The following GRM8 variants were observed in gnomAD, a reference collection of about 807,000 sequenced individuals.
The protein encoded by GRM8 is metabotropic glutamate receptor 8.
A neutral mutation model predicts 87.2 loss-of-function variants in GRM8; 47 were observed. That is an observed-to-expected ratio of 0.54 (90% CI 0.43 to 0.69). The LOEUF (loss-of-function observed/expected upper bound fraction) is 0.69. Ranked by LOEUF, GRM8 falls within the 30% of genes least tolerant of loss-of-function variation. The pLI is 0.00. For synonymous variants in GRM8, 396 were observed against 404.5 expected (o/e 0.98, Z 0.25); for missense variants, 1,019 against 1,139.2 (o/e 0.89, Z 1.52).
chr7:126,679,813 T>C (rs928098485), intron 7 of GRM8, among the ~76,000 whole-genome samples: 1 of 152,086 alleles, frequency 6.6e-6, no homozygotes, highest in Non-Finnish European at 1.5e-5. Flanking sequence ...GCAGATCACT[T>C]GAGGTCAGGA....
chr7:127,063,854 T>A (rs906573282), intron 3 of GRM8, among the ~76,000 whole-genome samples: 2 of 152,236 alleles, frequency 1.3e-5, no homozygotes, highest in Non-Finnish European at 2.9e-5. Flanking sequence ...AAGAACTTCT[T>A]AATTTCTGCC....
intron 9 of GRM8, among the ~76,000 whole-genome samples, chr7:126,510,255 C>G (rs1811131328): frequency 6.7e-6 from 1 of 149,126 alleles, no homozygotes; most frequent in African/African-American, 2.5e-5. Flanking sequence ...CTATCCATGG[C>G]TCAGCAGAAG....
intron 6 of GRM8, among the ~76,000 whole-genome samples, chr7:126,821,046 G>T (rs1019701294): frequency 6.6e-6 from 1 of 152,196 alleles, no homozygotes; most frequent in Non-Finnish European, 1.5e-5. Flanking sequence ...AGGTTACAGT[G>T]AGCTGAGATT....
At chr7:126,848,534 A>G (rs569127199) in intron 6 of GRM8, among the ~76,000 whole-genome samples, 38 of 152,146 alleles carry the variant, frequency 2.5e-4, no homozygotes, top group Non-Finnish European at 5.0e-4. Flanking sequence ...AAAATTTAAA[A>G]TGACAGGCTG....
chr7:126,548,407 A>G (rs1817414180), intron 8 of GRM8, among the ~76,000 whole-genome samples: 1 of 152,218 alleles, frequency 6.6e-6, no homozygotes. Context: ...ATAAAAAACA[A>G]ACTTTAATTA....
intron 9 of GRM8, among the ~76,000 whole-genome samples, chr7:126,457,077 C>CTG (rs1584674227): frequency 6.6e-6 from 1 of 150,800 alleles, no homozygotes; most frequent in South Asian, 2.1e-4. Context: ...GTGTGTGTGC[C>CTG]TGTGTGTGTG....
intron 6 of GRM8, among the ~76,000 whole-genome samples, chr7:126,849,741 C>T (rs970917526): frequency 3.3e-5 from 5 of 152,108 alleles, no homozygotes; most frequent in African/African-American, 1.2e-4. Flanking sequence ...GGAACCTCTT[C>T]CCTAAGCTTT....
intron 9 of GRM8, among the ~76,000 whole-genome samples, chr7:126,508,171 ATAT>A (rs963694065): frequency 2.1e-4 from 32 of 151,896 alleles, no homozygotes; most frequent in Admixed American, 1.4e-3. Context: ...ATATTTTTGT[ATAT>A]TATTATCTCA....
chr7:126,753,977 T>C (rs1434568774), intron 7 of GRM8, among the ~76,000 whole-genome samples: 1 of 151,920 alleles, frequency 6.6e-6, no homozygotes, highest in Non-Finnish European at 1.5e-5. Flanking sequence ...TAAGTATTCA[T>C]ATTCCCTTGT....
intron 3 of GRM8, among the ~76,000 whole-genome samples, chr7:126,985,197 C>T (rs1308589473): frequency 6.6e-6 from 1 of 152,096 alleles, no homozygotes; most frequent in Non-Finnish European, 1.5e-5. Context: ...GTGCATGAAG[C>T]CCACATCATG....
At chr7:126,661,817 G>A (rs955468347) in intron 7 of GRM8, among the ~76,000 whole-genome samples, 12 of 152,198 alleles carry the variant, frequency 7.9e-5, no homozygotes, top group Non-Finnish European at 1.5e-4. Context: ...CACTCATAGA[G>A]ATGGAAGTAA....
At chr7:126,501,874 C>T (rs1166355410) in intron 9 of GRM8, among the ~76,000 whole-genome samples, 2 of 151,942 alleles carry the variant, frequency 1.3e-5, no homozygotes, top group African/African-American at 4.8e-5. Context: ...TTTTAATCAG[C>T]CAGAAGGACC....
At chr7:126,829,510 G>A (rs1457690704) in intron 6 of GRM8, among the ~76,000 whole-genome samples, 142 of 126,878 alleles carry the variant, frequency 1.1e-3, no homozygotes, top group South Asian at 1.6e-3. Context: ...TTTTATCAGA[G>A]ACTAGGATTG....
chr7:127,156,983 G>C (rs1457931825), intron 2 of GRM8, among the ~76,000 whole-genome samples: 1 of 152,104 alleles, frequency 6.6e-6, no homozygotes, highest in Non-Finnish European at 1.5e-5. Flanking sequence ...AAGATATAAA[G>C]TGTAATAGTT....
intron 7 of GRM8, among the ~76,000 whole-genome samples, chr7:126,635,794 C>G (rs1801794369): frequency 6.6e-6 from 1 of 152,080 alleles, no homozygotes; most frequent in South Asian, 2.1e-4. Flanking sequence ...CTACTCAGAT[C>G]ACAGACACAC....
intron 3 of GRM8, among the ~76,000 whole-genome samples, chr7:126,959,434 T>C (rs923532337): frequency 1.2e-4 from 18 of 152,318 alleles, no homozygotes; most frequent in African/African-American, 4.3e-4. Context: ...AGACTATTTT[T>C]GATTGCTTAT....
At chr7:126,741,380 T>C (rs1395283796) in intron 7 of GRM8, among the ~76,000 whole-genome samples, 1 of 152,112 alleles carries the variant, frequency 6.6e-6, no homozygotes, top group Non-Finnish European at 1.5e-5. Flanking sequence ...AAAGGAATCA[T>C]ATTCTCCAAG....
chr7:126,989,782 ATGTACAGAAAAT>A (rs368456367), intron 3 of GRM8, among the ~76,000 whole-genome samples: 2,174 of 152,226 alleles, frequency 0.014, 48 homozygotes, highest in African/African-American at 0.05. Flanking sequence ...TCTTTACAAA[ATGTACAGAAAAT>A]AAATAAAAAT....
intron 5 of GRM8, among the ~76,000 whole-genome samples, chr7:126,903,735 G>GTA (rs562391613): frequency 4.0e-5 from 5 of 125,308 alleles, no homozygotes; most frequent in Admixed American, 2.6e-4. Context: ...ATGTATATGT[G>GTA]TATATATATA....
Sources: gnomAD v4.1 joint callset for allele counts (sites outside exome capture counted in the v4.1 genomes callset) on GRCh38, gnomAD v4.1.1 for gene constraint, MANE v1.5 for transcripts, NCBI Gene and HGNC (gene_info 2026-07-23, HGNC 2026-07-21) for gene names.